The following CBR4 variants were observed in gnomAD, a reference collection of about 807,000 sequenced individuals.
The protein encoded by CBR4 is carbonyl reductase 4, also known as 3-oxoacyl-[acyl-carrier-protein] reductase.
A neutral mutation model predicts 21.0 loss-of-function variants in CBR4; 22 were observed. That is an observed-to-expected ratio of 1.05 (90% CI 0.75 to 1.50). The LOEUF is 1.50. CBR4 is among the 40% of genes most tolerant of loss of function. CBR4 has a pLI of 0.00. For missense variants in CBR4, 302 were observed against 286.3 expected, an observed-to-expected ratio of 1.05 and a Z score of -0.40; for synonymous variants, 100 against 104.4, an observed-to-expected ratio of 0.96 and a Z score of 0.26.
chr4:168,997,986 A>C (rs1765286478), intron 4 of CBR4, among the ~76,000 whole-genome samples: 1 of 152,230 alleles, frequency 6.6e-6, no homozygotes, highest in Non-Finnish European at 1.5e-5. Flanking sequence ...AGAGGGAAGC[A>C]GAGTGGGAAA....
intron 2 of CBR4, chr4:168,898,108 G>A: frequency 3.5e-6 from 1 of 284,372 alleles, no homozygotes; most frequent in South Asian, 3.8e-5. Flanking sequence ...GTACCACCCT[G>A]CATCAGCTTT....
intron 2 of CBR4, among the ~76,000 whole-genome samples, chr4:168,940,051 T>C (rs1439401063): frequency 6.6e-6 from 1 of 152,046 alleles, no homozygotes; most frequent in East Asian, 1.9e-4. Context: ...ACTATAATGC[T>C]ACAGTAATAA....
At chr4:168,960,619 A>G (rs1041975434) in intron 2 of CBR4, among the ~76,000 whole-genome samples, 1 of 152,208 alleles carries the variant, frequency 6.6e-6, no homozygotes, top group African/African-American at 2.4e-5. Flanking sequence ...TATAGATGCT[A>G]TTTACTATTT....
At position 168,990,115 on chromosome 4, in the gene CBR4, A is replaced by T; in HGVS notation, c.*35T>A. The T allele has an allele frequency of 6.7e-7, 1 of 1,499,996 alleles. No homozygotes were observed. Among genetic ancestry groups the T allele is most frequent in the Non-Finnish European group, 8.9e-7 (1 of 1,119,252 alleles). 92.9% of individuals were successfully genotyped at this position (1,499,996 alleles called of 1,614,324 possible). On this transcript the variant is annotated 3_prime_UTR_variant, in exon 5 of 5. Coordinates refer to ENST00000306193, the MANE Select transcript of CBR4 (RefSeq NM_032783.5). ...AATCAGTAGCCAAAGTGTGCCCTTG[A>T]TGCTAATCACCCCTATAACTGAATA...
At chr4:168,992,788 G>C (rs1764987523) in intron 4 of CBR4, among the ~76,000 whole-genome samples, 1 of 151,734 alleles carries the variant, frequency 6.6e-6, no homozygotes. Flanking sequence ...TATTATTTTT[G>C]TATTCAGATA....
At chr4:168,935,976 T>C (rs1763101821) in intron 2 of CBR4, among the ~76,000 whole-genome samples, 1 of 152,142 alleles carries the variant, frequency 6.6e-6, no homozygotes, top group Non-Finnish European at 1.5e-5. Context: ...GGGAGACACC[T>C]CCTGACTGGG....
chr4:168,974,465 C>A (rs1764309169), intron 2 of CBR4, among the ~76,000 whole-genome samples: 1 of 152,278 alleles, frequency 6.6e-6, no homozygotes, highest in Non-Finnish European at 1.5e-5. Flanking sequence ...TCTGGCAAGA[C>A]CAGGGAAGTT....
intron 2 of CBR4, among the ~76,000 whole-genome samples, chr4:168,953,701 GGAGTGAGCC>G (rs1763609964): frequency 1.3e-5 from 2 of 151,962 alleles, no homozygotes; most frequent in South Asian, 4.2e-4. Context: ...TTGGATTATA[GGAGTGAGCC>G]ACAATGTCCA....
intron 2 of CBR4, among the ~76,000 whole-genome samples, chr4:168,949,142 G>C (rs1209071996): frequency 6.6e-6 from 1 of 152,060 alleles, no homozygotes; most frequent in East Asian, 1.9e-4. Context: ...AGAAGGGGTT[G>C]AGTTCTTGAT....
downstream of CBR4, among the ~76,000 whole-genome samples, chr4:168,984,553 C>G (rs760461235): frequency 7.9e-5 from 12 of 152,062 alleles, no homozygotes; most frequent in Non-Finnish European, 1.3e-4. Flanking sequence ...TTACAAAAAA[C>G]CATTCTAAAA....
At chr4:168,995,861 T>G (rs1765174735) in intron 4 of CBR4, among the ~76,000 whole-genome samples, 1 of 152,104 alleles carries the variant, frequency 6.6e-6, no homozygotes, top group African/African-American at 2.4e-5. Flanking sequence ...TCTTGAAGCT[T>G]TTAATAAGGT....
chr4:168,946,066 T>A (rs1763389114), intron 2 of CBR4, among the ~76,000 whole-genome samples: 1 of 152,212 alleles, frequency 6.6e-6, no homozygotes, highest in African/African-American at 2.4e-5. Context: ...ACTTCTCTCA[T>A]CCTCTCCTAT....
At chr4:168,899,698 C>T (rs1347334820) in intron 2 of CBR4, among the ~76,000 whole-genome samples, 5 of 152,086 alleles carry the variant, frequency 3.3e-5, no homozygotes, top group Non-Finnish European at 5.9e-5. Flanking sequence ...GGGTGGATCA[C>T]CTGAGCTCAG....
intron 2 of CBR4, among the ~76,000 whole-genome samples, chr4:168,936,930 A>G (rs1763128872): frequency 6.6e-6 from 1 of 152,202 alleles, no homozygotes; most frequent in African/African-American, 2.4e-5. Flanking sequence ...CAGGAAATAC[A>G]GAGAAAACAA....
rs1373816223 is a variant in CBR4 at position 169,009,261 on chromosome 4, A to C, written c.142+687T>G. 1.3e-5 allele frequency among the ~76,000 whole-genome samples: 2 copies of C among 152,346 alleles called. 1 individual carries two copies. The highest frequency in any genetic ancestry group is 6.8e-3 in the Middle Eastern group (2 of 294). On this transcript the variant is annotated intron_variant, in intron 1 of 4. Coordinates refer to ENST00000306193, the MANE Select transcript of CBR4 (RefSeq NM_032783.5). ...AAGAGTTATATTCACAAAATGACTA[A>C]TCCATTCATAATAAGCCGGAAATAA...
intron 2 of CBR4, chr4:168,926,856 G>GAAAGA (rs1167872019): frequency 9.1e-6 from 2 of 220,696 alleles, no homozygotes; most frequent in African/African-American, 4.5e-5. Context: ...ATGTAAGGAT[G>GAAAGA]AAAGAAGAAG....
chr4:169,001,949 A>G (rs1703321666), intron 4 of CBR4, 122 bp downstream of exon 4: 1 of 998,650 alleles, frequency 1.0e-6, no homozygotes, highest in Non-Finnish European at 1.4e-6. Flanking sequence ...TCATTATTTG[A>G]TTCTTTTCAC....
intron 2 of CBR4, among the ~76,000 whole-genome samples, chr4:168,920,957 G>A (rs969925332): frequency 6.6e-6 from 1 of 152,186 alleles, no homozygotes; most frequent in African/African-American, 2.4e-5. Context: ...ATAGCCCTGG[G>A]CAAGGTAAGA....
intron 2 of CBR4, among the ~76,000 whole-genome samples, chr4:168,971,947 CTTGAA>C (rs1560971188): frequency 6.6e-6 from 1 of 152,156 alleles, no homozygotes; most frequent in African/African-American, 2.4e-5. Flanking sequence ...TTTGATTCAT[CTTGAA>C]TTGATTTTTG....
Sources: gnomAD v4.1 joint callset for allele counts (sites outside exome capture counted in the v4.1 genomes callset) on GRCh38, gnomAD v4.1.1 for gene constraint, MANE v1.5 for transcripts, NCBI Gene and HGNC (gene_info 2026-07-23, HGNC 2026-07-21) for gene names.